The following SORBS2 variants were observed in gnomAD, a reference collection of about 807,000 sequenced individuals.
The protein encoded by SORBS2 is sorbin and SH3 domain-containing protein 2.
SORBS2 carries 46 observed loss-of-function variants against 97.7 expected under a neutral mutation model. The ratio of observed to expected loss-of-function variants is 0.47; its 90% CI spans 0.37 to 0.60. The LOEUF (loss-of-function observed/expected upper bound fraction) is 0.60. SORBS2 is among the 20% of genes least tolerant of loss of function. The probability of loss-of-function intolerance (pLI) is 0.00; values close to 1 mark genes in which losing one functional copy is unlikely to be tolerated. For missense variants in SORBS2, 1,316 were observed against 1,282.3 expected, an observed-to-expected ratio of 1.03 and a Z score of -0.40; for synonymous variants, 476 against 473.4, an observed-to-expected ratio of 1.01 and a Z score of -0.07.
intron 2 of SORBS2, among the ~76,000 whole-genome samples, chr4:185,763,698 C>T (rs757765867): frequency 5.3e-5 from 8 of 152,184 alleles, no homozygotes; most frequent in Non-Finnish European, 8.8e-5. Flanking sequence ...CACCTAGAAA[C>T]ATAGAAACCA....
In SORBS2 at chr4:185,623,381, T is replaced by C; in HGVS notation, c.1748A>G (p.His583Arg). The C allele has an allele frequency of 6.2e-7, 1 of 1,612,968 alleles. No homozygotes were observed. Residue 583 changes from histidine to arginine, a missense_variant, in exon 7 of 15, where the codon CAC (histidine) becomes CGC (arginine). By Grantham distance (29) the His-to-Arg change is conservative (BLOSUM62 0). Coordinates refer to ENST00000418609, the Ensembl canonical transcript of SORBS2. The surrounding 1 kb of genome is among the most constrained non-coding windows in gnomAD (Gnocchi z 6.4). Reference sequence around the variant, plus strand: ...CCTTCTGGGCTCCTCGGTGTTTTCGTGTCTGGCTCTTTCGTGTTTTAACAT... The same window carrying C: ...CCTTCTGGGCTCCTCGGTGTTTTCGCGTCTGGCTCTTTCGTGTTTTAACAT...
rs540673638 is a variant in SORBS2 at position 185,644,659 on chromosome 4, T to A, written c.396+2009A>T. Reference sequence around the variant, plus strand: ...TAACATGGAAATGCCATGTGTCTGCTTAATAGGGCTGCTGGAAACTTTACA... The same window carrying A: ...TAACATGGAAATGCCATGTGTCTGCATAATAGGGCTGCTGGAAACTTTACA... On this transcript the variant is annotated intron_variant, in intron 4 of 14. Transcript: ENST00000418609. Among the ~76,000 whole-genome samples, 30 of 152,300 alleles carry A rather than the reference T, an allele frequency of 2.0e-4. No individual in the cohort carries two copies. In the South Asian group the frequency reaches 6.0e-3, roughly 31 times the overall value.
At chr4:185,721,053 C>G (rs2098509029) in intron 2 of SORBS2, among the ~76,000 whole-genome samples, 2 of 150,674 alleles carry the variant, frequency 1.3e-5, no homozygotes, top group South Asian at 4.2e-4. Context: ...CAACTGTGAG[C>G]CACTTCCTAA....
intron 2 of SORBS2, among the ~76,000 whole-genome samples, chr4:185,691,988 C>T (rs1174870001): frequency 6.6e-6 from 1 of 152,216 alleles, no homozygotes; most frequent in Non-Finnish European, 1.5e-5. Context: ...ACCTTGTGAT[C>T]CGCCCGCCTC....
intron 1 of SORBS2, among the ~76,000 whole-genome samples, chr4:185,866,645 C>T (rs997385944): frequency 6.6e-6 from 1 of 152,134 alleles, no homozygotes; most frequent in Admixed American, 6.5e-5. Flanking sequence ...TCTTTTTTCT[C>T]CATCTCAAAA....
chr4:185,618,922 TC>T (rs1384522956), intron 8 of SORBS2, among the ~76,000 whole-genome samples: 5 of 152,196 alleles, frequency 3.3e-5, no homozygotes, highest in Admixed American at 1.3e-4. Context: ...ATCCTAGGCA[TC>T]ATTTTGGCTG....
intron 2 of SORBS2, among the ~76,000 whole-genome samples, chr4:185,698,519 A>G (rs1040313354): frequency 1.3e-5 from 2 of 152,020 alleles, no homozygotes; most frequent in African/African-American, 4.8e-5. Flanking sequence ...ACAAAACAAA[A>G]CACAAAACAG....
chr4:185,869,315 G>T (rs2099229066), intron 1 of SORBS2, among the ~76,000 whole-genome samples: 1 of 152,140 alleles, frequency 6.6e-6, no homozygotes, highest in African/African-American at 2.4e-5. Flanking sequence ...CAGTTGGTAG[G>T]AGGAACTGGA....
chr4:185,870,804 A>T (rs2099230022), intron 1 of SORBS2, among the ~76,000 whole-genome samples: 1 of 152,176 alleles, frequency 6.6e-6, no homozygotes, highest in Non-Finnish European at 1.5e-5. Context: ...TCAATCAAGG[A>T]TTCCTTTTTT....
At chr4:185,763,161 C>T (rs1477351097) in intron 2 of SORBS2, among the ~76,000 whole-genome samples, 1 of 152,010 alleles carries the variant, frequency 6.6e-6, no homozygotes, top group Admixed American at 6.6e-5. Flanking sequence ...TGCACTCCAG[C>T]CTGGGTGACA....
At position 185,882,718 on chromosome 4, in the gene SORBS2, G is replaced by A. The variant is rs2099237483; in HGVS notation, c.-338+73478C>T. ...TAGGACTGTGATAATAAAATACTGT[G>A]GTATAGCTGAAAGGATATGAACACA... On this transcript the variant is annotated intron_variant, in intron 1 of 20. Transcript: ENST00000284776. 3.3e-5 allele frequency among the ~76,000 whole-genome samples: 5 copies of A among 152,236 alleles called. No individual in the cohort carries two copies. In the South Asian group the frequency reaches 1.0e-3, roughly 32 times the overall value.
intron 1 of SORBS2, among the ~76,000 whole-genome samples, chr4:185,803,008 C>T (rs556679695): frequency 1.3e-5 from 2 of 152,188 alleles, no homozygotes; most frequent in South Asian, 2.1e-4. Context: ...CAAGGCAACA[C>T]TTTTCCTAAT....
intron 1 of SORBS2, among the ~76,000 whole-genome samples, chr4:185,896,162 T>C (rs930078309): frequency 1.3e-5 from 2 of 152,208 alleles, no homozygotes; most frequent in Non-Finnish European, 2.9e-5. Context: ...ATTTTGGAAT[T>C]TGTCATGGGA....
At chr4:185,834,698 C>T (rs976006616) in intron 1 of SORBS2, among the ~76,000 whole-genome samples, 20 of 151,962 alleles carry the variant, frequency 1.3e-4, no homozygotes, top group African/African-American at 4.6e-4. Flanking sequence ...CATTTTAAAA[C>T]TCAAAAGTGA....
intron 1 of SORBS2, among the ~76,000 whole-genome samples, chr4:185,880,816 G>A (rs529150234): frequency 1.3e-5 from 2 of 152,162 alleles, no homozygotes; most frequent in East Asian, 1.9e-4. Context: ...GTCAGACAAG[G>A]GCTGACAGGT....
chr4:185,915,800 G>C (rs1200484320), intron 1 of SORBS2, among the ~76,000 whole-genome samples: 2 of 152,092 alleles, frequency 1.3e-5, no homozygotes, highest in Admixed American at 1.3e-4. Flanking sequence ...CTGGATTAAA[G>C]GAACGTAGCT....
At chr4:185,913,683 TGTA>T (rs1391219809) in intron 1 of SORBS2, among the ~76,000 whole-genome samples, 1 of 152,146 alleles carries the variant, frequency 6.6e-6, no homozygotes, top group Admixed American at 6.5e-5. Context: ...CAAATGACAT[TGTA>T]ACACCAGGAA....
intron 1 of SORBS2, among the ~76,000 whole-genome samples, chr4:185,864,628 C>T (rs1189663351): frequency 1.3e-5 from 2 of 152,050 alleles, no homozygotes; most frequent in South Asian, 2.1e-4. Context: ...GATCACTGAA[C>T]GGCCGGGTGC....
At chr4:185,890,195 T>A (rs2099241755) in intron 1 of SORBS2, among the ~76,000 whole-genome samples, 1 of 152,256 alleles carries the variant, frequency 6.6e-6, no homozygotes, top group Non-Finnish European at 1.5e-5. Context: ...ACCAGATTAA[T>A]TTTTAAGTGT....
Sources: allele counts gnomAD v4.1 joint callset (sites outside exome capture counted in the v4.1 genomes callset), GRCh38; gene constraint gnomAD v4.1.1; non-coding constraint Gnocchi (gnomAD v3.1); transcripts MANE v1.5; gene names NCBI Gene and HGNC (gene_info 2026-07-23, HGNC 2026-07-21).